EEIG2: variants seen among roughly 807,000 people sequenced by gnomAD.
EEIG2 encodes EEIG family member 2.
the EEIG2 span, chr1:108,636,733 C>T: frequency 6.6e-6 from 1 of 152,054 alleles, no homozygotes; most frequent in African/African-American, 2.4e-5. Context: ...AAGAATAAAA[C>T]ATTGACCTGA....
chr1:108,630,933 CATTT>C, the EEIG2 span, among the ~76,000 whole-genome samples: 1 of 152,192 alleles, frequency 6.6e-6, no homozygotes, highest in Non-Finnish European at 1.5e-5. Flanking sequence ...TACTAATACT[CATTT>C]TAATGAGTAC....
At chr1:108,581,258 A>T in the EEIG2 span, among the ~76,000 whole-genome samples, 4 of 152,232 alleles carry the variant, frequency 2.6e-5, no homozygotes, top group African/African-American at 9.6e-5. Context: ...CTTATTGGCA[A>T]TACACCTAGT....
At chr1:108,602,200 G>A in the EEIG2 span, among the ~76,000 whole-genome samples, 3 of 152,304 alleles carry the variant, frequency 2.0e-5, no homozygotes, top group South Asian at 4.1e-4. Context: ...TTCTAAAAGA[G>A]TAGGACCTGA....
chr1:108,560,491 G>A, the EEIG2 span: 1 of 1,613,308 alleles, frequency 6.2e-7, no homozygotes, highest in Non-Finnish European at 8.5e-7. Flanking sequence ...TCTCCTCAGT[G>A]CCCTTCGTCA....
chr1:108,632,700 T>A, the EEIG2 span, among the ~76,000 whole-genome samples: 1 of 152,222 alleles, frequency 6.6e-6, no homozygotes, highest in Non-Finnish European at 1.5e-5. Flanking sequence ...TAACCATGCC[T>A]ATCTCATGGA....
chr1:108,625,829 G>GT, the EEIG2 span: 2 of 140,232 alleles, frequency 1.4e-5, no homozygotes, highest in African/African-American at 5.7e-5. Context: ...TGTGTGTGTG[G>GT]AGAGAGAGAG....
the EEIG2 span, among the ~76,000 whole-genome samples, chr1:108,568,003 AAAAAG>A: frequency 6.6e-6 from 1 of 152,158 alleles, no homozygotes; most frequent in East Asian, 1.9e-4. Flanking sequence ...TGTCTCAAAA[AAAAAG>A]AAAAGAAAAC....
At chr1:108,582,960 A>T in the EEIG2 span, among the ~76,000 whole-genome samples, 2 of 148,698 alleles carry the variant, frequency 1.3e-5, no homozygotes, top group South Asian at 4.2e-4. Flanking sequence ...TTCTTTAGGT[A>T]ATATGATTTG....
the EEIG2 span, among the ~76,000 whole-genome samples, chr1:108,571,187 T>A: frequency 6.6e-6 from 1 of 152,098 alleles, no homozygotes; most frequent in Non-Finnish European, 1.5e-5. Flanking sequence ...AAGCCAGACA[T>A]CACGTGCCTC....
the EEIG2 span, chr1:108,638,159 CCTCCCAA>C: frequency 1.3e-5 from 2 of 152,186 alleles, no homozygotes; most frequent in African/African-American, 4.8e-5. Context: ...CTCACTACAG[CCTCCCAA>C]CTCCCAGGCT....
chr1:108,617,434 CAA>C, the EEIG2 span, among the ~76,000 whole-genome samples: 1 of 152,094 alleles, frequency 6.6e-6, no homozygotes, highest in African/African-American at 2.4e-5. Flanking sequence ...ATGAGAAAGA[CAA>C]GAGGAACAAA....
At chr1:108,621,827 G>C in the EEIG2 span, among the ~76,000 whole-genome samples, 6 of 143,386 alleles carry the variant, frequency 4.2e-5, no homozygotes, top group South Asian at 1.3e-3. Flanking sequence ...TTTAATGCAG[G>C]GTGTTTTTTT....
At chr1:108,591,229 C>G in the EEIG2 span, among the ~76,000 whole-genome samples, 1 of 152,228 alleles carries the variant, frequency 6.6e-6, no homozygotes. Flanking sequence ...AACAAATGGT[C>G]GCAAACTAAC....
the EEIG2 span, among the ~76,000 whole-genome samples, chr1:108,575,930 A>G: frequency 1.0e-4 from 15 of 148,826 alleles, no homozygotes; most frequent in South Asian, 2.1e-4. Flanking sequence ...ATGGATTTGT[A>G]CACTTAAAAT....
chr1:108,560,766 C>A, the EEIG2 span, among the ~76,000 whole-genome samples: 1 of 152,084 alleles, frequency 6.6e-6, no homozygotes, highest in African/African-American at 2.4e-5. Context: ...CCAGATGGTG[C>A]CTGGTATCTG....
chr1:108,560,260 A>G, the EEIG2 span: 9 of 227,012 alleles, frequency 4.0e-5, no homozygotes, highest in Non-Finnish European at 6.4e-5. Flanking sequence ...GGCTGCCGCG[A>G]GAGGCGGCGG....
At chr1:108,566,263 C>G in the EEIG2 span, among the ~76,000 whole-genome samples, 1 of 152,026 alleles carries the variant, frequency 6.6e-6, no homozygotes. Flanking sequence ...CAATAAACAT[C>G]CTTATAACCA....
the EEIG2 span, among the ~76,000 whole-genome samples, chr1:108,593,910 A>G: frequency 1.3e-5 from 2 of 152,038 alleles, no homozygotes; most frequent in African/African-American, 2.4e-5. Flanking sequence ...GGCTCAAGCA[A>G]TCCTCCCACC....
chr1:108,591,969 G>A, the EEIG2 span, among the ~76,000 whole-genome samples: 3 of 150,372 alleles, frequency 2.0e-5, no homozygotes, highest in Non-Finnish European at 4.5e-5. Flanking sequence ...AAGACAGACA[G>A]GGGCTTAATC....
Sources: gnomAD v4.1 joint callset for allele counts (sites outside exome capture counted in the v4.1 genomes callset) on GRCh38, gnomAD v4.1.1 for gene constraint, MANE v1.5 for transcripts, NCBI Gene and HGNC (gene_info 2026-07-23, HGNC 2026-07-21) for gene names.